DNAAF9: variants seen among roughly 807,000 people sequenced by gnomAD.
DNAAF9 encodes the protein dynein axonemal assembly factor 9, also known as shulin.
DNAAF9 carries 90 observed loss-of-function variants against 167.0 expected under a neutral mutation model. The observed-to-expected ratio is 0.54, with a 90% CI of 0.45 to 0.64. The LOEUF is 0.64. Among genes scored for constraint, DNAAF9 ranks in the 30% least tolerant of loss-of-function variants. The pLI is 0.00. For synonymous variants in DNAAF9, 491 were observed against 508.8 expected (o/e 0.96, Z 0.47); for missense variants, 1,315 against 1,442.2 (o/e 0.91, Z 1.43).
chr20:3,301,273 C>T (rs538824674), intron 21 of DNAAF9, among the ~76,000 whole-genome samples: 9 of 151,936 alleles, frequency 5.9e-5, no homozygotes, highest in African/African-American at 1.2e-4. Context: ...CTGAAACCTC[C>T]GCCTCCCAGG....
At chr20:3,262,248 CTTTTT>C (rs953323176) in intron 31 of DNAAF9, among the ~76,000 whole-genome samples, 1 of 131,664 alleles carries the variant, frequency 7.6e-6, no homozygotes. Flanking sequence ...AGTTCACATT[CTTTTT>C]TTTTTTTTTT....
At chr20:3,331,696 CAG>C (rs890237323) in intron 11 of DNAAF9, among the ~76,000 whole-genome samples, 3 of 152,180 alleles carry the variant, frequency 2.0e-5, no homozygotes, top group African/African-American at 7.2e-5. Flanking sequence ...GTTGTTAAGA[CAG>C]AGTCTCACTC....
At chr20:3,360,095 C>T (rs767527426) in intron 6 of DNAAF9, 2 of 152,198 alleles carry the variant, frequency 1.3e-5, no homozygotes, top group African/African-American at 2.4e-5. Flanking sequence ...ATTACCATGG[C>T]CCCTGTGCAA....
chr20:3,394,940 TTC>T (rs1414243118), intron 1 of DNAAF9, among the ~76,000 whole-genome samples: 9 of 125,344 alleles, frequency 7.2e-5, no homozygotes, highest in African/African-American at 3.0e-4. Flanking sequence ...ACTGAACATT[TTC>T]TTTTTTCTTT....
chr20:3,259,873 T>C, intron 32 of DNAAF9, 49 bp downstream of exon 32: 1 of 1,116,492 alleles, frequency 9.0e-7, no homozygotes. Context: ...CAGAATTAAC[T>C]CTGGGACACC....
chr20:3,362,358 T>C, intron 6 of DNAAF9: 1 of 603,984 alleles, frequency 1.7e-6, no homozygotes, highest in Non-Finnish European at 2.8e-6. Context: ...GGTTTATTAA[T>C]AATTATTGTT....
intron 25 of DNAAF9, among the ~76,000 whole-genome samples, chr20:3,290,554 T>A (rs1312319915): frequency 6.6e-6 from 1 of 152,218 alleles, no homozygotes; most frequent in Non-Finnish European, 1.5e-5. Context: ...TTAAAGGACC[T>A]ACCTGCTTGA....
At chr20:3,369,785 C>G (rs890146705) in intron 6 of DNAAF9, among the ~76,000 whole-genome samples, 21 of 152,154 alleles carry the variant, frequency 1.4e-4, no homozygotes, top group African/African-American at 4.6e-4. Context: ...TTACCTTCCA[C>G]CCCTCTATTG....
chr20:3,350,031 T>C (rs1372853154), intron 7 of DNAAF9, among the ~76,000 whole-genome samples: 1 of 152,072 alleles, frequency 6.6e-6, no homozygotes, highest in Non-Finnish European at 1.5e-5. Flanking sequence ...GCTAGCCAAG[T>C]ACTGACTCTA....
intron 30 of DNAAF9, among the ~76,000 whole-genome samples, chr20:3,269,798 C>T (rs2068559260): frequency 6.6e-6 from 1 of 151,754 alleles, no homozygotes; most frequent in Admixed American, 6.6e-5. Context: ...ACTAAAAATA[C>T]AAAAACAAAA....
At chr20:3,359,074 A>T (rs1386129984) in intron 7 of DNAAF9, among the ~76,000 whole-genome samples, 1 of 152,168 alleles carries the variant, frequency 6.6e-6, no homozygotes, top group African/African-American at 2.4e-5. Flanking sequence ...CTGAGACCAT[A>T]AGGCACACAA....
At chr20:3,366,920 G>C (rs533302932) in intron 6 of DNAAF9, among the ~76,000 whole-genome samples, 1 of 150,018 alleles carries the variant, frequency 6.7e-6, no homozygotes, top group East Asian at 2.0e-4. Flanking sequence ...GTGAGACTCT[G>C]CCTCAAAAAT....
At position 3,398,249 on chromosome 20, in the gene DNAAF9, A is replaced by G. The variant is rs1429451691; in HGVS notation, c.83+9226T>C. On this transcript the variant is annotated intron_variant, in intron 1 of 36. Transcript: ENST00000252032. Reference sequence around the variant, plus strand: ...AGGTAGTGAGAAGCAGACGAGAGACAGCATAGACAGAGTTAACTGTTCTGA... The same window carrying G: ...AGGTAGTGAGAAGCAGACGAGAGACGGCATAGACAGAGTTAACTGTTCTGA... Among the ~76,000 whole-genome samples, 10 of 152,242 alleles carry G rather than the reference A, an allele frequency of 6.6e-5. 1 individual carries two copies. Among genetic ancestry groups the G allele is most frequent in the Admixed American group, 6.5e-4 (10 of 15,278 alleles).
chr20:3,363,401 T>G (rs113230749), intron 6 of DNAAF9, among the ~76,000 whole-genome samples: 3 of 151,024 alleles, frequency 2.0e-5, no homozygotes, highest in Non-Finnish European at 4.4e-5. Context: ...GAGGCAGAGG[T>G]TGCGGTGAGC....
intron 21 of DNAAF9, among the ~76,000 whole-genome samples, 163 bp from the exon 22 acceptor site, chr20:3,298,338 G>A (rs2069119935): frequency 6.6e-6 from 1 of 152,112 alleles, no homozygotes; most frequent in Non-Finnish European, 1.5e-5. Context: ...GGAGATATAG[G>A]AAATAAAAGG....
At chr20:3,284,161 A>G (rs2068809725) in intron 27 of DNAAF9, among the ~76,000 whole-genome samples, 1 of 149,388 alleles carries the variant, frequency 6.7e-6, no homozygotes, top group African/African-American at 2.5e-5. Flanking sequence ...ACCACGCTCA[A>G]GTTACTAGAG....
At chr20:3,253,377 G>A (rs978626866) in intron 36 of DNAAF9, among the ~76,000 whole-genome samples, 3 of 152,232 alleles carry the variant, frequency 2.0e-5, no homozygotes, top group Admixed American at 1.3e-4. Flanking sequence ...GGAGACGGAG[G>A]TTGCAGTGAG....
rs201463622 is a variant in DNAAF9, at chr20:3,305,359, ATCT to A, written c.1679-819_1679-817del. 4.8e-3 allele frequency among the ~76,000 whole-genome samples: 736 copies of A among 152,364 alleles called. 2 individuals are homozygous for A. Among genetic ancestry groups the A allele is most frequent in the Middle Eastern group, 6.8e-3 (2 of 294 alleles). On this transcript the variant is annotated intron_variant, in intron 20 of 36. Coordinates refer to ENST00000252032, the MANE Select transcript of DNAAF9 (RefSeq NM_001009984.3). ...GCTCTCTGGGGCTGGTCCAAGCTGA[ATCT>A]TCTATTCCTGTAACAGCTTTTCTTT...
chr20:3,286,237 C>T (rs1266235765), intron 27 of DNAAF9, among the ~76,000 whole-genome samples: 1 of 152,150 alleles, frequency 6.6e-6, no homozygotes, highest in East Asian at 1.9e-4. Context: ...TAGAGGTCCC[C>T]ATATCCTGGG....
Sources: allele counts gnomAD v4.1 joint callset (sites outside exome capture counted in the v4.1 genomes callset), GRCh38; gene constraint gnomAD v4.1.1; transcripts MANE v1.5; gene names NCBI Gene and HGNC (gene_info 2026-07-23, HGNC 2026-07-21).